The following RGS22 variants were observed in gnomAD, a reference collection of about 807,000 sequenced individuals.
RGS22 encodes the protein regulator of G-protein signaling 22.
Under a neutral mutation model 172.9 loss-of-function variants are expected in RGS22, and 148 were observed. The ratio of observed to expected loss-of-function variants is 0.86; its 90% confidence interval spans 0.75 to 0.98. The LOEUF (loss-of-function observed/expected upper bound fraction) is 0.98. Ranked by LOEUF, RGS22 falls within the 50% of genes least tolerant of loss-of-function variation. RGS22 has a pLI of 0.00. For missense variants in RGS22, 1,347 were observed against 1,440.8 expected, an observed-to-expected ratio of 0.93 and a Z score of 1.05; for synonymous variants, 458 against 480.2, an observed-to-expected ratio of 0.95 and a Z score of 0.60.
chr8:100,025,947 A>G (rs959392258), intron 14 of RGS22, among the ~76,000 whole-genome samples: 2 of 151,566 alleles, frequency 1.3e-5, no homozygotes, highest in African/African-American at 4.8e-5. Flanking sequence ...TTGACCCTTG[A>G]TAGAAAGAAT....
At chr8:100,012,553 G>C (rs920386023) in intron 14 of RGS22, among the ~76,000 whole-genome samples, 1 of 151,952 alleles carries the variant, frequency 6.6e-6, no homozygotes, top group Non-Finnish European at 1.5e-5. Flanking sequence ...CCGTACTCCA[G>C]ACTGGGTGAC....
At chr8:100,084,586 T>C (rs1233553011) in intron 3 of RGS22, among the ~76,000 whole-genome samples, 2 of 152,214 alleles carry the variant, frequency 1.3e-5, no homozygotes, top group African/African-American at 2.4e-5. Flanking sequence ...TTAATTATAA[T>C]AGAACAGAGA....
chr8:100,041,451 C>G (rs1159815129), intron 12 of RGS22, among the ~76,000 whole-genome samples: 1 of 149,390 alleles, frequency 6.7e-6, no homozygotes, highest in Admixed American at 6.7e-5. Flanking sequence ...GACCATGCCA[C>G]GGCACTCCAG....
Position 99,962,992 on chromosome 8 carries a change from T to C in RGS22, c.3616-14A>G. The C allele has an allele frequency of 6.5e-7, 1 of 1,548,324 alleles. No homozygotes were observed. ...GCACCAGGTTGGCTAAAAAAAGCAA[T>C]TTTCAAAGTTAATTCTGAAATGTTT... On this transcript the variant is annotated splice_polypyrimidine_tract_variant and intron_variant, in intron 24 of 27. Transcript: ENST00000360863.
At chr8:100,049,867 T>C (rs12115176) in intron 10 of RGS22, among the ~76,000 whole-genome samples, 1 of 151,790 alleles carries the variant, frequency 6.6e-6, no homozygotes, top group Non-Finnish European at 1.5e-5. Context: ...GCCAACATGG[T>C]GAAATCCCAT....
At chr8:100,013,555 T>A (rs1485885413) in intron 14 of RGS22, among the ~76,000 whole-genome samples, 1 of 152,246 alleles carries the variant, frequency 6.6e-6, no homozygotes, top group Admixed American at 6.5e-5. Context: ...TGATGCCCTG[T>A]TGAAGCTAAG....
rs1266093719 is a variant in RGS22 at position 100,051,667 on chromosome 8, TTA to T, written c.1689+1133_1689+1134del. On this transcript the variant is annotated intron_variant, in intron 10 of 27. Transcript: ENST00000360863. Reference sequence around the variant, plus strand: ...TGTTTATACATATATAAATATATATTTATATATGTTTATACATATATATATTT... The same window carrying T: ...TGTTTATACATATATAAATATATATTTATATGTTTATACATATATATATTT... 7.1e-4 allele frequency among the ~76,000 whole-genome samples: 22 copies of T among 30,970 alleles called. 1 individual carries two copies. The highest frequency in any genetic ancestry group is 1.5e-3 in the African/African-American group (13 of 8,450). The allele number at this position is 30,970 out of a possible 152,430, so 20.3% of individuals were successfully genotyped here. A position where few individuals can be genotyped will look rare whatever the true frequency, so the allele number is the denominator to read the frequency against.
At chr8:100,065,269 G>A (rs1250249924) in intron 7 of RGS22, among the ~76,000 whole-genome samples, 1 of 152,180 alleles carries the variant, frequency 6.6e-6, no homozygotes, top group African/African-American at 2.4e-5. Flanking sequence ...ACTGAAGGGA[G>A]GATGTCGCAC....
At chr8:99,971,556 A>T (rs1265320601) in intron 23 of RGS22, among the ~76,000 whole-genome samples, 3 of 152,206 alleles carry the variant, frequency 2.0e-5, no homozygotes, top group African/African-American at 7.2e-5. Flanking sequence ...ATGTACAAAA[A>T]TTCCAAGCAT....
chr8:99,987,491 A>G lies in RGS22; in HGVS notation c.3147T>C (p.Gly1049=). ...VALKGDLLEN[G]LLFWQEVQKY... is the part of the protein sequence containing the mutation. Reference sequence around the variant, plus strand: ...TTTGTACTTCTTGCCAAAAGAGTAAACCATTTTCCAATAAATCTCCTTTTA... The same window carrying G: ...TTTGTACTTCTTGCCAAAAGAGTAAGCCATTTTCCAATAAATCTCCTTTTA... Residue 1049 remains glycine, a synonymous_variant, in exon 21 of 28, where the codon GGT becomes GGC. Transcript: ENST00000360863. 2 of 1,610,984 alleles carry G rather than the reference A, an allele frequency of 1.2e-6. No individual in the cohort carries two copies. Among genetic ancestry groups the G allele is most frequent in the Non-Finnish European group, 1.7e-6 (2 of 1,178,270 alleles).
At chr8:100,092,329 C>A (rs1036351361) in intron 3 of RGS22, among the ~76,000 whole-genome samples, 2 of 152,056 alleles carry the variant, frequency 1.3e-5, no homozygotes, top group African/African-American at 4.8e-5. Flanking sequence ...CTTTTTATGA[C>A]CCCTCATTTC....
At chr8:99,962,823 T>C in intron 25 of RGS22, 56 bp from the exon 26 acceptor site, 1 of 1,583,196 alleles carries the variant, frequency 6.3e-7, no homozygotes, top group East Asian at 2.2e-5. Flanking sequence ...GGCAAAGTCT[T>C]CTAAAATTAA....
intron 11 of RGS22, among the ~76,000 whole-genome samples, chr8:100,043,045 G>A (rs1054631368): frequency 6.6e-6 from 1 of 152,190 alleles, no homozygotes; most frequent in African/African-American, 2.4e-5. Context: ...AAGGCCAAGA[G>A]CCTCACAAAG....
In RGS22 at chr8:100,002,445, C is replaced by T. The variant is rs115146109; in HGVS notation, c.2628-81G>A. The T allele has an allele frequency of 1.3e-3, 1,813 of 1,390,168 alleles. 23 individuals carry two copies. In the African/African-American group the frequency reaches 0.024, roughly 18 times the overall value. 86.1% of individuals were successfully genotyped at this position (1,390,168 alleles called of 1,614,324 possible). On this transcript the variant is annotated intron_variant, in intron 17 of 27. Transcript: ENST00000360863. The stretch of plus-strand genomic sequence containing the variant: ...AGTAAACACCCGATTGTTGTTTTGA[C>T]AGAACTTAGAAAGTGGCTATCTTGA...
intron 18 of RGS22, among the ~76,000 whole-genome samples, chr8:100,001,677 T>A (rs1359536624): frequency 6.6e-6 from 1 of 152,144 alleles, no homozygotes; most frequent in Non-Finnish European, 1.5e-5. Context: ...AAAATACAAT[T>A]GTAAGGAGGA....
intron 4 of RGS22, among the ~76,000 whole-genome samples, chr8:100,079,850 G>A (rs1224166374): frequency 5.3e-5 from 8 of 151,930 alleles, no homozygotes; most frequent in African/African-American, 9.7e-5. Context: ...TTTCAATAAC[G>A]CATCAAAATT....
chr8:100,001,236 A>AT (rs11299479), intron 18 of RGS22, among the ~76,000 whole-genome samples: 2,493 of 128,596 alleles, frequency 0.019, 95 homozygotes, highest in African/African-American at 0.059. Context: ...ATATATATAC[A>AT]TTTTTTTTTT....
chr8:100,043,733 G>T (rs779539328), intron 11 of RGS22, among the ~76,000 whole-genome samples: 1 of 151,592 alleles, frequency 6.6e-6, no homozygotes, highest in Non-Finnish European at 1.5e-5. Flanking sequence ...CCAAGATTGC[G>T]CCACTGCACT....
chr8:100,086,157 A>G (rs1173847783), intron 3 of RGS22, among the ~76,000 whole-genome samples: 5 of 152,170 alleles, frequency 3.3e-5, no homozygotes, highest in Non-Finnish European at 2.9e-5. Flanking sequence ...CATGACACCT[A>G]CCATGTACCC....
Sources: allele counts gnomAD v4.1 joint callset (sites outside exome capture counted in the v4.1 genomes callset), GRCh38; gene constraint gnomAD v4.1.1; transcripts MANE v1.5; gene names NCBI Gene and HGNC (gene_info 2026-07-23, HGNC 2026-07-21).